Variants in LRIT3 observed in about 807,000 individuals in gnomAD.
LRIT3 encodes the protein leucine-rich repeat, immunoglobulin-like domain and transmembrane domain-containing protein 3.
Under a neutral mutation model 22.6 loss-of-function variants are expected in LRIT3, and 14 were observed. The observed-to-expected ratio is 0.62, with a 90% CI of 0.41 to 0.97. The LOEUF is 0.97. Among genes scored for constraint, LRIT3 ranks in the 50% least tolerant of loss-of-function variants. LRIT3 has a pLI of 0.00. For missense variants in LRIT3, 783 were observed against 803.0 expected (o/e 0.98, Z 0.30); for synonymous variants, 306 against 304.5 (o/e 1.01, Z -0.05).
chr4:109,855,692 G>A (rs527834204), intron 2 of LRIT3, among the ~76,000 whole-genome samples: 22 of 152,150 alleles, frequency 1.4e-4, no homozygotes, highest in East Asian at 9.7e-4. Context: ...TATAAATTTC[G>A]CTCTACACAC....
In LRIT3 at chr4:109,857,703, G is replaced by A. The variant is rs149127644; in HGVS notation, c.589+5727G>A. 0.011 allele frequency among the ~76,000 whole-genome samples: 1,717 copies of A among 152,218 alleles called. 83 individuals carry two copies. In the East Asian group the frequency reaches 0.12, roughly 11 times the overall value. ...AGAGAAAATGTTGACAATCTCTGTG[G>A]CCTTGAGAGCAATCATTAGTAATAT... On this transcript the variant is annotated intron_variant, in intron 2 of 3. Transcript: ENST00000594814.
intron 2 of LRIT3, among the ~76,000 whole-genome samples, chr4:109,859,911 G>A (rs1385765092): frequency 6.6e-6 from 1 of 152,144 alleles, no homozygotes; most frequent in African/African-American, 2.4e-5. Context: ...TTATTCCATA[G>A]CAATAGTTTC....
intron 2 of LRIT3, among the ~76,000 whole-genome samples, chr4:109,854,623 G>A (rs1025332976): frequency 3.3e-5 from 5 of 152,200 alleles, no homozygotes; most frequent in Non-Finnish European, 7.3e-5. Flanking sequence ...TAGGAGTGGT[G>A]AGAGAGGACA....
chr4:109,867,900 A>G lies in LRIT3; in HGVS notation c.849A>G (p.Pro283=). 1.2e-6 allele frequency: 2 copies of G among 1,613,792 alleles called. No homozygotes were observed. Among genetic ancestry groups the G allele is most frequent in the Non-Finnish European group, 1.7e-6 (2 of 1,179,998 alleles). The part of the protein sequence containing the change: ...LRCDATGFPT[P]QITWTRSDSS... ...GTGATGCCACTGGCTTCCCCACCCC[A>G]CAGATCACATGGACCAGATCTGACA... The change falls in exon 3 of 4, where the codon CCA becomes CCG. Residue 283 remains proline (P), a synonymous_variant. Coordinates refer to ENST00000594814, the MANE Select transcript of LRIT3 (RefSeq NM_198506.5).
chr4:109,850,410 C>CCT (rs1734196839), intron 1 of LRIT3, among the ~76,000 whole-genome samples: 2 of 5,698 alleles, frequency 3.5e-4, no homozygotes, highest in African/African-American at 5.1e-4. Flanking sequence ...TTCCTTCCTT[C>CCT]CTTCCTTCCT....
At chr4:109,869,555 G>A in intron 3 of LRIT3, 90 bp from the exon 4 acceptor site, 1 of 1,260,450 alleles carries the variant, frequency 7.9e-7, no homozygotes, top group Non-Finnish European at 1.1e-6. Flanking sequence ...GAGGATGCAT[G>A]TAGAGTGGAT....
At chr4:109,863,407 G>A (rs556819281) in intron 2 of LRIT3, among the ~76,000 whole-genome samples, 1 of 152,298 alleles carries the variant, frequency 6.6e-6, no homozygotes, top group African/African-American at 2.4e-5. Context: ...GATGATAATA[G>A]TACTACCTAT....
At position 109,871,026 on chromosome 4, in the gene LRIT3, T is replaced by C. The variant is rs1223752956; in HGVS notation, c.*237T>C. On this transcript the variant is annotated 3_prime_UTR_variant, in exon 4 of 4. Coordinates refer to ENST00000594814, the MANE Select transcript of LRIT3 (RefSeq NM_198506.5). ...AAATAATTTTTAGAGTGGTGCTTAA[T>C]AAATTATTAATACTTTTTAGGGTAA... The C allele has an allele frequency of 5.5e-6, 2 of 366,688 alleles. No individual in the cohort carries two copies. Among genetic ancestry groups the C allele is most frequent in the Non-Finnish European group, 9.7e-6 (2 of 207,192 alleles). The allele number at this position is 366,688 out of a possible 1,614,324, so 22.7% of individuals were successfully genotyped here.
intron 2 of LRIT3, among the ~76,000 whole-genome samples, chr4:109,855,995 C>A (rs1185149937): frequency 1.3e-5 from 2 of 152,086 alleles, no homozygotes; most frequent in African/African-American, 2.4e-5. Context: ...TGAACAGGCA[C>A]CCCTCATGCA....
chr4:109,851,392 G>A (rs1734251598), intron 1 of LRIT3, 112 bp from the exon 2 acceptor site: 1 of 1,397,324 alleles, frequency 7.2e-7, no homozygotes, highest in Admixed American at 2.8e-5. Flanking sequence ...TGGGATTACA[G>A]GCGTGAGCCA....
chr4:109,862,911 C>T (rs1239128808), intron 2 of LRIT3, among the ~76,000 whole-genome samples: 1 of 152,092 alleles, frequency 6.6e-6, no homozygotes, highest in Non-Finnish European at 1.5e-5. Flanking sequence ...ACAGGCTGGC[C>T]TTGAACTCCT....
At chr4:109,850,348 GTGT>G (rs1253855179) in intron 1 of LRIT3, among the ~76,000 whole-genome samples, 5 of 146,498 alleles carry the variant, frequency 3.4e-5, no homozygotes, top group Non-Finnish European at 6.0e-5. Flanking sequence ...ACATGGGACA[GTGT>G]TGTCTTCCTT....
At chr4:109,858,338 A>G (rs1167864455) in intron 2 of LRIT3, among the ~76,000 whole-genome samples, 3 of 152,178 alleles carry the variant, frequency 2.0e-5, no homozygotes, top group Non-Finnish European at 2.9e-5. Context: ...AGGATGGCTG[A>G]CTGGATTGTC....
chr4:109,850,440 T>C (rs551139371), intron 1 of LRIT3, among the ~76,000 whole-genome samples: 52 of 105,958 alleles, frequency 4.9e-4, no homozygotes, highest in African/African-American at 1.6e-3. Context: ...TCTTTCTTTC[T>C]TTCTTTCTTT....
intron 1 of LRIT3, 42 bp from the exon 2 acceptor site, chr4:109,851,462 T>G: frequency 2.0e-6 from 3 of 1,474,046 alleles, no homozygotes; most frequent in Non-Finnish European, 2.7e-6. Context: ...AAATGGGTGT[T>G]GGAAAGTGAG....
chr4:109,861,314 C>T (rs186292469), intron 2 of LRIT3, among the ~76,000 whole-genome samples: 66 of 149,784 alleles, frequency 4.4e-4, no homozygotes, highest in African/African-American at 1.5e-3. Flanking sequence ...ATTGAGATCA[C>T]GTCACTGCAC....
rs775531246 is a variant in LRIT3 at position 109,869,685 on chromosome 4, A to G, written c.936A>G (p.Ile312Met). Residue 312 changes from isoleucine to methionine, a missense_variant, in exon 4 of 4, where the codon ATA becomes ATG. By Grantham distance (10) the Ile-to-Met change is conservative. Transcript: ENST00000594814. The part of the protein sequence containing the change: ...ESPEEGVRWS[I>M]MSLTGISSKD... ...CAGAGGAAGGAGTCAGATGGTCCATAATGAGCTTGACAGGCATTTCTTCCA... is the reference window on the plus strand; with the variant it reads ...CAGAGGAAGGAGTCAGATGGTCCATGATGAGCTTGACAGGCATTTCTTCCA... The G allele has an allele frequency of 3.8e-6, 6 of 1,588,698 alleles. No individual in the cohort carries two copies. In the East Asian group the frequency reaches 6.7e-5, roughly 18 times the overall value.
chr4:109,862,895 T>G (rs1373736754), intron 2 of LRIT3, among the ~76,000 whole-genome samples: 1 of 152,144 alleles, frequency 6.6e-6, no homozygotes, highest in Non-Finnish European at 1.5e-5. Flanking sequence ...GATCTTGCCA[T>G]GTTGCACAGG....
At chr4:109,854,643 T>C (rs965510461) in intron 2 of LRIT3, among the ~76,000 whole-genome samples, 11 of 152,224 alleles carry the variant, frequency 7.2e-5, no homozygotes, top group African/African-American at 2.4e-4. Context: ...ATCCTTGTCT[T>C]GTGCCGGTTT....
Sources: gnomAD v4.1 joint callset for allele counts (sites outside exome capture counted in the v4.1 genomes callset) on GRCh38, gnomAD v4.1.1 for gene constraint, MANE v1.5 for transcripts, NCBI Gene and HGNC (gene_info 2026-07-23, HGNC 2026-07-21) for gene names.